ZNF385D: variants seen among roughly 807,000 people sequenced by gnomAD.
The protein encoded by ZNF385D is zinc finger protein 659.
A neutral mutation model predicts 35.8 loss-of-function variants in ZNF385D; 15 were observed. The ratio of observed to expected loss-of-function variants is 0.42; its 90% CI spans 0.28 to 0.64. The LOEUF (loss-of-function observed/expected upper bound fraction) is 0.64, where lower values mean the gene tolerates loss of function less well. Ranked by LOEUF, ZNF385D falls within the 30% of genes least tolerant of loss-of-function variation. ZNF385D has a pLI of 0.23. For missense variants in ZNF385D, 474 were observed against 494.6 expected (o/e 0.96, Z 0.39); for synonymous variants, 212 against 186.8 (o/e 1.13, Z -1.10).
chr3:22,158,692 A>G (rs1216260079), intron 3 of ZNF385D, among the ~76,000 whole-genome samples: 1 of 148,482 alleles, frequency 6.7e-6, no homozygotes, highest in Non-Finnish European at 1.5e-5. Flanking sequence ...ACACACACAC[A>G]CATTCATGCC....
At chr3:22,041,609 T>C (rs1042169578) in intron 3 of ZNF385D, among the ~76,000 whole-genome samples, 1 of 152,190 alleles carries the variant, frequency 6.6e-6, no homozygotes, top group African/African-American at 2.4e-5. Flanking sequence ...CTGGGTGATC[T>C]GAACACTAAA....
intron 2 of ZNF385D, among the ~76,000 whole-genome samples, chr3:22,236,241 A>G (rs928950737): frequency 1.1e-4 from 16 of 152,216 alleles, no homozygotes; most frequent in African/African-American, 3.9e-4. Context: ...GTGTATTTAC[A>G]TATGTATACA....
intron 2 of ZNF385D, among the ~76,000 whole-genome samples, chr3:22,260,882 A>G (rs1700592016): frequency 6.6e-6 from 1 of 152,074 alleles, no homozygotes; most frequent in African/African-American, 2.4e-5. Flanking sequence ...CTATGGTAAC[A>G]GTTTTAGTAG....
At chr3:22,249,008 C>T (rs1457067233) in intron 2 of ZNF385D, among the ~76,000 whole-genome samples, 3 of 152,100 alleles carry the variant, frequency 2.0e-5, no homozygotes, top group Non-Finnish European at 4.4e-5. Context: ...CTAGCAGAGC[C>T]ACCTCTTATG....
In ZNF385D at chr3:22,130,226, C is replaced by A. The variant is rs114498134; in HGVS notation, c.325+38591G>T. 8.4e-3 allele frequency among the ~76,000 whole-genome samples: 1,272 copies of A among 152,244 alleles called. 11 individuals are homozygous for A. The highest frequency in any genetic ancestry group is 0.023 in the South Asian group (109 of 4,826). On this transcript the variant is annotated intron_variant, in intron 3 of 5. Coordinates refer to the ZNF385D transcript ENST00000494108. ...AAAGTCCTCTTTACTCTTCCGTCTTCTCCCACAGTTGCAAGCTGCACTGCC... is the reference window on the plus strand; with the variant it reads ...AAAGTCCTCTTTACTCTTCCGTCTTATCCCACAGTTGCAAGCTGCACTGCC...
chr3:22,132,813 C>G (rs1425327963), intron 3 of ZNF385D, among the ~76,000 whole-genome samples: 1 of 151,932 alleles, frequency 6.6e-6, no homozygotes, highest in African/African-American at 2.4e-5. Flanking sequence ...TGATTTCTTT[C>G]TATTCTGAAA....
intron 3 of ZNF385D, among the ~76,000 whole-genome samples, chr3:21,794,295 T>C (rs1040100225): frequency 8.6e-5 from 13 of 151,862 alleles, no homozygotes; most frequent in Non-Finnish European, 5.9e-5. Context: ...GCTTAGACCA[T>C]TGGGAGCTTC....
chr3:21,718,545 T>C (rs2068417523), intron 1 of ZNF385D, among the ~76,000 whole-genome samples: 1 of 152,128 alleles, frequency 6.6e-6, no homozygotes, highest in Admixed American at 6.6e-5. Context: ...CTCTCAAAAA[T>C]CCTACAAGGC....
chr3:21,947,846 G>T (rs972570027), intron 3 of ZNF385D, among the ~76,000 whole-genome samples: 3 of 151,914 alleles, frequency 2.0e-5, no homozygotes, highest in African/African-American at 4.8e-5. Context: ...TTATGTATTT[G>T]TCTATATTTA....
intron 2 of ZNF385D, among the ~76,000 whole-genome samples, chr3:22,361,330 G>A (rs919060573): frequency 1.3e-5 from 2 of 152,060 alleles, no homozygotes; most frequent in Non-Finnish European, 2.9e-5. Context: ...AATGTAATAA[G>A]TAGCATTAAT....
At position 21,471,277 on chromosome 3, in the gene ZNF385D, TCTCTCTCTCTCTCTCTCTCA is replaced by T. The variant is rs1559323564; in HGVS notation, c.440-34094_440-34075del. 6.1e-3 allele frequency among the ~76,000 whole-genome samples: 144 copies of T among 23,420 alleles called. 1 individual carries two copies. Among genetic ancestry groups the T allele is most frequent in the Admixed American group, 9.3e-3 (18 of 1,936 alleles). The allele number at this position is 23,420 out of a possible 152,430, so 15.4% of individuals were successfully genotyped here. A position where few individuals can be genotyped will look rare whatever the true frequency, so the allele number is the denominator to read the frequency against. On this transcript the variant is annotated intron_variant, in intron 4 of 7. Transcript: ENST00000281523. ...CTTTCTCTCTCTCTCTCTCTCTTTC[TCTCTCTCTCTCTCTCTCTCA>T]CACACACACACACACACACACACAC... is the stretch of plus-strand genomic sequence containing the variant.
chr3:21,537,680 C>T (rs770826314), intron 3 of ZNF385D, among the ~76,000 whole-genome samples: 15 of 151,988 alleles, frequency 9.9e-5, no homozygotes, highest in Non-Finnish European at 1.9e-4. Flanking sequence ...TGGACCTGGC[C>T]AGGAGGCCAG....
At chr3:21,875,965 G>A (rs1697943146) in intron 3 of ZNF385D, among the ~76,000 whole-genome samples, 1 of 152,138 alleles carries the variant, frequency 6.6e-6, no homozygotes, top group African/African-American at 2.4e-5. Flanking sequence ...ACATTCACAT[G>A]TGGAGATTTA....
intron 2 of ZNF385D, among the ~76,000 whole-genome samples, chr3:21,576,865 C>T (rs1466920223): frequency 6.6e-6 from 1 of 152,082 alleles, no homozygotes; most frequent in African/African-American, 2.4e-5. Flanking sequence ...TACAATAGAA[C>T]ATTATTATTT....
At chr3:21,759,667 A>G (rs1248991102) in intron 3 of ZNF385D, among the ~76,000 whole-genome samples, 1 of 152,180 alleles carries the variant, frequency 6.6e-6, no homozygotes. Context: ...AAATTCATTT[A>G]TGGTTCCTGG....
At chr3:21,907,582 G>A (rs1256502525) in intron 3 of ZNF385D, among the ~76,000 whole-genome samples, 1 of 152,034 alleles carries the variant, frequency 6.6e-6, no homozygotes, top group Non-Finnish European at 1.5e-5. Context: ...AAATGTGCAC[G>A]AGTCAGATTA....
chr3:22,179,443 T>C (rs977953011), intron 2 of ZNF385D, among the ~76,000 whole-genome samples: 3 of 152,282 alleles, frequency 2.0e-5, no homozygotes, highest in Non-Finnish European at 4.4e-5. Flanking sequence ...TTTTGTATCC[T>C]GAGACTTTGC....
intron 2 of ZNF385D, among the ~76,000 whole-genome samples, chr3:21,596,283 A>C (rs554334498): frequency 1.8e-4 from 27 of 152,294 alleles, no homozygotes; most frequent in African/African-American, 6.5e-4. Flanking sequence ...CAAAAGGATA[A>C]ATAAAATAAC....
intron 3 of ZNF385D, among the ~76,000 whole-genome samples, chr3:22,135,618 T>C (rs1704055582): frequency 6.6e-6 from 1 of 152,192 alleles, no homozygotes; most frequent in Admixed American, 6.6e-5. Context: ...GTAGATTTAA[T>C]AAGCTGACTC....
Sources: gnomAD v4.1 joint callset for allele counts (sites outside exome capture counted in the v4.1 genomes callset) on GRCh38, gnomAD v4.1.1 for gene constraint, MANE v1.5 for transcripts, NCBI Gene and HGNC (gene_info 2026-07-23, HGNC 2026-07-21) for gene names.